The following ALK variants were observed in gnomAD, a reference collection of about 807,000 sequenced individuals.
The protein encoded by ALK is ALK receptor tyrosine kinase.
In ALK, 74 loss-of-function variants were observed where a neutral mutation model predicts 163.1. The ratio of observed to expected loss-of-function variants is 0.45; its 90% CI spans 0.38 to 0.55. The LOEUF is 0.55. Ranked by LOEUF, ALK falls within the 20% of genes least tolerant of loss-of-function variation. ALK has a pLI of 0.00. For synonymous variants in ALK, 960 were observed against 843.2 expected (o/e 1.14, Z -2.40); for missense variants, 2,063 against 2,105.3 (o/e 0.98, Z 0.39).
At chr2:29,370,943 G>T (rs926916621) in intron 5 of ALK, among the ~76,000 whole-genome samples, 2 of 152,230 alleles carry the variant, frequency 1.3e-5, no homozygotes, top group African/African-American at 4.8e-5. Flanking sequence ...TTAATGGGGG[G>T]AATTAGTTAA....
At chr2:29,585,046 G>GT (rs1182599041) in intron 3 of ALK, among the ~76,000 whole-genome samples, 4 of 152,060 alleles carry the variant, frequency 2.6e-5, no homozygotes, top group East Asian at 1.9e-4. Context: ...GCATGGCATG[G>GT]TTTTTTGTAT....
intron 1 of ALK, among the ~76,000 whole-genome samples, chr2:29,906,372 C>A (rs1007858777): frequency 6.6e-6 from 1 of 152,114 alleles, no homozygotes; most frequent in Admixed American, 6.5e-5. Flanking sequence ...AGTACAGTGT[C>A]TAACATACTG....
intron 1 of ALK, among the ~76,000 whole-genome samples, chr2:29,918,370 A>G (rs1667891522): frequency 6.6e-6 from 1 of 152,262 alleles, no homozygotes; most frequent in Admixed American, 6.5e-5. Flanking sequence ...ACTGGGCACT[A>G]AAACAGAATG....
At chr2:29,768,927 G>A (rs931749480) in intron 1 of ALK, among the ~76,000 whole-genome samples, 1 of 151,848 alleles carries the variant, frequency 6.6e-6, no homozygotes, top group Admixed American at 6.6e-5. Context: ...TTGACTTCCT[G>A]GGCTCAAGCG....
intron 4 of ALK, among the ~76,000 whole-genome samples, chr2:29,445,079 C>G (rs1398405785): frequency 6.6e-6 from 1 of 152,204 alleles, no homozygotes; most frequent in Non-Finnish European, 1.5e-5. Flanking sequence ...TCCTACTTCC[C>G]ATTGTGTGTC....
intron 5 of ALK, among the ~76,000 whole-genome samples, chr2:29,375,883 T>A (rs1668741709): frequency 6.6e-6 from 1 of 152,182 alleles, no homozygotes; most frequent in South Asian, 2.1e-4. Flanking sequence ...ACTGCCATCT[T>A]GGACAAGCAC....
chr2:29,518,515 T>C (rs554573786), intron 4 of ALK, among the ~76,000 whole-genome samples: 4 of 152,330 alleles, frequency 2.6e-5, no homozygotes, highest in Admixed American at 2.6e-4. Context: ...GCAGCTTTCA[T>C]GGTTCCTAAC....
At chr2:29,633,796 G>A (rs191089519) in intron 3 of ALK, among the ~76,000 whole-genome samples, 12 of 152,170 alleles carry the variant, frequency 7.9e-5, no homozygotes, top group East Asian at 5.8e-4. Flanking sequence ...AATTCTACAC[G>A]TATACATTTA....
At chr2:29,761,483 T>C (rs1461935135) in intron 1 of ALK, among the ~76,000 whole-genome samples, 3 of 152,188 alleles carry the variant, frequency 2.0e-5, no homozygotes, top group African/African-American at 7.2e-5. Context: ...CAGCATGACC[T>C]CGGGGAGTGT....
At chr2:29,773,310 T>A (rs1042975644) in intron 1 of ALK, among the ~76,000 whole-genome samples, 2 of 152,184 alleles carry the variant, frequency 1.3e-5, no homozygotes, top group Non-Finnish European at 2.9e-5. Context: ...CCAGTGTACC[T>A]ATAAGCAATT....
intron 3 of ALK, among the ~76,000 whole-genome samples, chr2:29,600,638 G>C (rs891382457): frequency 1.3e-5 from 2 of 152,214 alleles, no homozygotes; most frequent in East Asian, 1.9e-4. Context: ...GCTCAGGACT[G>C]TTTGTGTACA....
At chr2:29,312,056 C>T (rs1666712258) in intron 8 of ALK, among the ~76,000 whole-genome samples, 1 of 151,820 alleles carries the variant, frequency 6.6e-6, no homozygotes, top group Non-Finnish European at 1.5e-5. Context: ...TGGGCAACAC[C>T]CCTCTCCACT....
At chr2:29,718,463 A>G (rs1478338243) in intron 1 of ALK, among the ~76,000 whole-genome samples, 1 of 152,236 alleles carries the variant, frequency 6.6e-6, no homozygotes, top group African/African-American at 2.4e-5. Context: ...ACTATTTGCT[A>G]ATGTTTTACG....
At chr2:29,376,451 G>C (rs1012619653) in intron 5 of ALK, among the ~76,000 whole-genome samples, 3 of 152,200 alleles carry the variant, frequency 2.0e-5, no homozygotes, top group African/African-American at 7.2e-5. Flanking sequence ...AAGTAGAATG[G>C]AAATGTTAAA....
In ALK at chr2:29,193,204, A is replaced by T. The variant is rs2148136804; in HGVS notation, c.*20T>A. ...CGGTCTTAGGGATCCCAAGGAAGAG[A>T]AGTGAGTGTGCGACCGAGCTCAGGG... is the stretch of plus-strand genomic sequence containing the variant. On this transcript the variant is annotated 3_prime_UTR_variant, in exon 29 of 29. Coordinates refer to ENST00000389048, the MANE Select transcript of ALK (RefSeq NM_004304.5). 6.2e-7 allele frequency: 1 copy of T among 1,611,638 alleles called. No homozygotes were observed. Among genetic ancestry groups the T allele is most frequent in the Non-Finnish European group, 8.5e-7 (1 of 1,178,406 alleles).
intron 2 of ALK, among the ~76,000 whole-genome samples, chr2:29,695,781 T>C (rs962806566): frequency 3.3e-5 from 5 of 152,192 alleles, no homozygotes; most frequent in African/African-American, 1.2e-4. Context: ...TCATTACTGG[T>C]CATTAGAGAA....
rs1369601805 is a variant in ALK, at chr2:29,194,692, T to C, written c.4165-770A>G. On this transcript the variant is annotated intron_variant, in intron 28 of 28. Transcript: ENST00000389048. The stretch of plus-strand genomic sequence containing the variant: ...CCCACCCCCGCTAATTTTTGTGTTT[T>C]TAGTAGAGACAAGGTTTCATTCAAC... 2.2e-5 allele frequency among the ~76,000 whole-genome samples: 3 copies of C among 134,094 alleles called. No individual in the cohort carries two copies. The East Asian group carries it at 7.6e-4, about 34-fold the overall frequency. The allele number at this position is 134,094 out of a possible 152,430, so 88.0% of individuals were successfully genotyped here.
chr2:29,844,335 T>C (rs944379542), intron 1 of ALK, among the ~76,000 whole-genome samples: 11 of 152,036 alleles, frequency 7.2e-5, no homozygotes, highest in African/African-American at 2.7e-4. Flanking sequence ...CCGGGGCCAG[T>C]GGGGAGCAGG....
intron 13 of ALK, among the ~76,000 whole-genome samples, chr2:29,238,010 G>A (rs934479401): frequency 6.6e-6 from 1 of 152,164 alleles, no homozygotes; most frequent in Non-Finnish European, 1.5e-5. Context: ...GAGAAGCAAA[G>A]ACGGAGGGCT....
Sources: gnomAD v4.1 joint callset for allele counts (sites outside exome capture counted in the v4.1 genomes callset) on GRCh38, gnomAD v4.1.1 for gene constraint, MANE v1.5 for transcripts, NCBI Gene and HGNC (gene_info 2026-07-23, HGNC 2026-07-21) for gene names.